The following SEMA5A variants were observed in gnomAD, a reference collection of about 807,000 sequenced individuals.
SEMA5A encodes semaphorin-5A.
In SEMA5A, 55 loss-of-function variants were observed where a neutral mutation model predicts 135.5. The observed-to-expected ratio is 0.41, with a 90% CI of 0.33 to 0.51. SEMA5A has a LOEUF of 0.51. Among genes scored for constraint, SEMA5A ranks in the 20% least tolerant of loss-of-function variants. The pLI is 0.37. For synonymous variants in SEMA5A, 580 were observed against 546.5 expected, an observed-to-expected ratio of 1.06 and a Z score of -0.85; for missense variants, 1,290 against 1,419.9, an observed-to-expected ratio of 0.91 and a Z score of 1.47.
At chr5:9,126,893 T>C (rs55899367) in intron 13 of SEMA5A, among the ~76,000 whole-genome samples, 4,663 of 152,306 alleles carry the variant, frequency 0.031, 110 homozygotes, top group Non-Finnish European at 0.048. Context: ...ATAAATCTTG[T>C]GACCCCTGGT....
rs138643986 is a variant in SEMA5A, at chr5:9,049,086, A to C, written c.2893+1324T>G. On this transcript the variant is annotated intron_variant, in intron 21 of 22. Coordinates refer to ENST00000382496, the MANE Select transcript of SEMA5A (RefSeq NM_003966.3). ...CAAGGATTACTGAATGAATGACTGA[A>C]TGAATGAATGAACTAACAGACTGCT... Among the ~76,000 whole-genome samples, 126 of 152,342 alleles carry C rather than the reference A, an allele frequency of 8.3e-4. 1 individual carries two copies. The highest frequency in any genetic ancestry group is 2.1e-3 in the African/African-American group (86 of 41,592).
intron 16 of SEMA5A, among the ~76,000 whole-genome samples, chr5:9,076,408 G>A (rs1174919241): frequency 6.6e-6 from 1 of 151,916 alleles, no homozygotes; most frequent in Non-Finnish European, 1.5e-5. Context: ...AAAGGTAAGT[G>A]GAAGAAAGAG....
intron 16 of SEMA5A, among the ~76,000 whole-genome samples, chr5:9,070,947 A>G (rs1471304881): frequency 6.6e-6 from 1 of 152,214 alleles, no homozygotes; most frequent in Non-Finnish European, 1.5e-5. Context: ...GTATGTTACA[A>G]TTTACTAGAG....
At chr5:9,433,143 A>ATT (rs1757914690) in intron 2 of SEMA5A, among the ~76,000 whole-genome samples, 1 of 152,102 alleles carries the variant, frequency 6.6e-6, no homozygotes, top group African/African-American at 2.4e-5. Flanking sequence ...TTGGGGATTG[A>ATT]TTTTTTTCAG....
At chr5:9,133,200 G>T (rs1741534011) in intron 13 of SEMA5A, among the ~76,000 whole-genome samples, 1 of 152,028 alleles carries the variant, frequency 6.6e-6, no homozygotes, top group Admixed American at 6.6e-5. Context: ...CATTTCAATA[G>T]TTTTTTTAAA....
At chr5:9,391,246 C>T (rs1221113835) in intron 2 of SEMA5A, among the ~76,000 whole-genome samples, 1 of 152,184 alleles carries the variant, frequency 6.6e-6, no homozygotes, top group African/African-American at 2.4e-5. Context: ...ACCTCACTGA[C>T]CAGGATTTAA....
chr5:9,385,534 G>A (rs761259358), intron 2 of SEMA5A, among the ~76,000 whole-genome samples: 5 of 152,002 alleles, frequency 3.3e-5, no homozygotes, highest in Admixed American at 2.0e-4. Flanking sequence ...CCCCTCCTGC[G>A]CCCATCCCCT....
intron 1 of SEMA5A, among the ~76,000 whole-genome samples, chr5:9,464,092 T>C (rs1759164038): frequency 6.6e-6 from 1 of 152,196 alleles, no homozygotes; most frequent in Non-Finnish European, 1.5e-5. Context: ...GTTCCTGGTC[T>C]CTACCCACAA....
At chr5:9,216,031 C>T (rs903659611) in intron 8 of SEMA5A, among the ~76,000 whole-genome samples, 1 of 152,038 alleles carries the variant, frequency 6.6e-6, no homozygotes, top group Admixed American at 6.6e-5. Flanking sequence ...TTTCTTCTAG[C>T]TTTGGGGTTG....
chr5:9,405,357 C>G (rs905624687), intron 2 of SEMA5A, among the ~76,000 whole-genome samples: 7 of 152,204 alleles, frequency 4.6e-5, no homozygotes, highest in African/African-American at 1.7e-4. Context: ...TCTAAACTTT[C>G]CATTCAAAAG....
chr5:9,277,442 T>A (rs1750319326), intron 5 of SEMA5A, among the ~76,000 whole-genome samples: 2 of 152,206 alleles, frequency 1.3e-5, no homozygotes, highest in African/African-American at 4.8e-5. Flanking sequence ...AAATACCATT[T>A]GACCCAGCAA....
At chr5:9,395,710 G>A (rs1756363282) in intron 2 of SEMA5A, among the ~76,000 whole-genome samples, 1 of 152,186 alleles carries the variant, frequency 6.6e-6, no homozygotes, top group South Asian at 2.1e-4. Flanking sequence ...ATTCGTTATA[G>A]GCAAAGTAGC....
Position 9,337,772 on chromosome 5 carries a change from A to G in SEMA5A, c.165T>C (p.Ala55=). The change falls in exon 4 of 23, where the codon GCT becomes GCC. Residue 55 remains alanine (A), a synonymous_variant. Transcript: ENST00000382496. ...PWLREFRAKN[A]VDFSQLTFDP... is the part of the protein sequence containing the mutation. Reference sequence around the variant, plus strand: ...CAAATGTTAACTGCGAGAAATCCACAGCATTCTTCGCTCTGAACTCCCGTA... The same window carrying G: ...CAAATGTTAACTGCGAGAAATCCACGGCATTCTTCGCTCTGAACTCCCGTA... 1 of 1,611,758 alleles carries G rather than the reference A, an allele frequency of 6.2e-7. No homozygotes were observed. Among genetic ancestry groups the G allele is most frequent in the Middle Eastern group, 1.7e-4 (1 of 6,048 alleles).
intron 1 of SEMA5A, among the ~76,000 whole-genome samples, chr5:9,446,942 C>A (rs1758456504): frequency 6.6e-6 from 1 of 152,178 alleles, no homozygotes; most frequent in South Asian, 2.1e-4. Context: ...TGACACCAAA[C>A]CTTTCTCAGA....
At chr5:9,361,703 G>A (rs980579722) in intron 3 of SEMA5A, among the ~76,000 whole-genome samples, 1 of 152,204 alleles carries the variant, frequency 6.6e-6, no homozygotes, top group Non-Finnish European at 1.5e-5. Flanking sequence ...TGGTGCAAAA[G>A]TAATTGCTCT....
intron 19 of SEMA5A, among the ~76,000 whole-genome samples, chr5:9,052,544 A>G (rs187429410): frequency 1.1e-3 from 169 of 152,298 alleles, no homozygotes; most frequent in Non-Finnish European, 1.9e-3. Context: ...AAGCTACACA[A>G]TTACTTTCTT....
intron 3 of SEMA5A, among the ~76,000 whole-genome samples, chr5:9,378,644 T>G (rs528334898): frequency 6.6e-6 from 1 of 152,316 alleles, no homozygotes; most frequent in Non-Finnish European, 1.5e-5. Flanking sequence ...AGAACTTGGT[T>G]TCTGTAATTT....
At chr5:9,215,153 A>G (rs1207486417) in intron 8 of SEMA5A, among the ~76,000 whole-genome samples, 3 of 152,220 alleles carry the variant, frequency 2.0e-5, no homozygotes, top group African/African-American at 7.2e-5. Context: ...TGACTCTCAC[A>G]GGAAACAAGA....
intron 5 of SEMA5A, among the ~76,000 whole-genome samples, chr5:9,281,032 A>G (rs1282549673): frequency 6.6e-6 from 1 of 152,188 alleles, no homozygotes; most frequent in Non-Finnish European, 1.5e-5. Context: ...TATGAGTTAC[A>G]AACCATTATC....
Sources: gnomAD v4.1 joint callset for allele counts (sites outside exome capture counted in the v4.1 genomes callset) on GRCh38, gnomAD v4.1.1 for gene constraint, MANE v1.5 for transcripts, NCBI Gene and HGNC (gene_info 2026-07-23, HGNC 2026-07-21) for gene names.